Variants in CUX1 observed in about 807,000 individuals in gnomAD.
CUX1 encodes the protein cut like homeobox 1, also known as protein CASP.
CUX1 carries 31 observed loss-of-function variants against 158.8 expected under a neutral mutation model. The observed-to-expected ratio is 0.20, with a 90% CI of 0.15 to 0.26. The LOEUF (loss-of-function observed/expected upper bound fraction) is 0.26. Ranked by LOEUF, CUX1 falls within the 10% of genes least tolerant of loss-of-function variation. The pLI is 1.00. For missense variants in CUX1, 1,589 were observed against 2,014.6 expected (o/e 0.79, Z 4.04); for synonymous variants, 879 against 862.1 (o/e 1.02, Z -0.34).
At chr7:101,864,751 A>G (rs1797778846) in intron 1 of CUX1, among the ~76,000 whole-genome samples, 1 of 151,444 alleles carries the variant, frequency 6.6e-6, no homozygotes, top group Non-Finnish European at 1.5e-5. Context: ...AGGTTTCACC[A>G]TATTGGTCAG....
chr7:102,104,654 G>C (rs1202701734), intron 6 of CUX1, among the ~76,000 whole-genome samples, 195 bp downstream of exon 6: 1 of 152,138 alleles, frequency 6.6e-6, no homozygotes, highest in Non-Finnish European at 1.5e-5. Context: ...CACTTTGGGA[G>C]GCCGAGGTGG....
intron 16 of CUX1, among the ~76,000 whole-genome samples, chr7:102,274,850 G>A (rs781836091): frequency 6.6e-6 from 1 of 152,108 alleles, no homozygotes; most frequent in Non-Finnish European, 1.5e-5. Context: ...GATACTGGGG[G>A]TGTGCCCATG....
chr7:102,053,798 C>T (rs1038813418), intron 3 of CUX1, among the ~76,000 whole-genome samples: 11 of 144,638 alleles, frequency 7.6e-5, no homozygotes, highest in Non-Finnish European at 1.7e-4. Context: ...GGGTTGTCTT[C>T]TCACTTTTTT....
At chr7:102,189,946 T>C in intron 12 of CUX1, 75 bp downstream of exon 12, 1 of 1,528,770 alleles carries the variant, frequency 6.5e-7, no homozygotes, top group Non-Finnish European at 9.0e-7. Context: ...GCCAGGCTGG[T>C]GGCAGGAAGC....
chr7:102,170,799 G>A lies in CUX1; in HGVS notation c.828+249G>A, dbSNP rs533391665. Among the ~76,000 whole-genome samples, 19 of 151,568 alleles carry A rather than the reference G, an allele frequency of 1.3e-4. No individual in the cohort carries two copies. The South Asian group carries it at 3.7e-3, about 30-fold the overall frequency. ...GCATCCACCCAGGGCCAAGGTGGAG[G>A]CTACGCAGGCACAGTCACAGACACA... On this transcript the variant is annotated intron_variant, in intron 10 of 23. Transcript: ENST00000292535.
At chr7:101,860,030 C>T (rs1038921550) in intron 1 of CUX1, among the ~76,000 whole-genome samples, 1 of 139,838 alleles carries the variant, frequency 7.2e-6, no homozygotes, top group Admixed American at 7.4e-5. Flanking sequence ...CTCTTTCTGT[C>T]TCTCTGTCTC....
At chr7:102,162,759 AC>A (rs1554507595) in intron 9 of CUX1, among the ~76,000 whole-genome samples, 1 of 151,912 alleles carries the variant, frequency 6.6e-6, no homozygotes, top group Non-Finnish European at 1.5e-5. Flanking sequence ...CAAACGATCC[AC>A]CCACCTCTGC....
rs184077612 is a variant in CUX1, at chr7:102,029,836, A to G, written c.189+1691A>G. On this transcript the variant is annotated intron_variant, in intron 3 of 23. Transcript: ENST00000292535. Reference sequence around the variant, plus strand: ...AGGCTGTTACCTGACACCTACCCACATTTGATCTTACCTGTTCTGTTACCT... The same window carrying G: ...AGGCTGTTACCTGACACCTACCCACGTTTGATCTTACCTGTTCTGTTACCT... 9.7e-4 allele frequency among the ~76,000 whole-genome samples: 147 copies of G among 152,178 alleles called. No individual in the cohort carries two copies. The Middle Eastern group carries it at 0.02, about 21-fold the overall frequency.
At chr7:102,031,750 ATCGTC>A (rs1820817549) in intron 3 of CUX1, among the ~76,000 whole-genome samples, 1 of 152,118 alleles carries the variant, frequency 6.6e-6, no homozygotes, top group Non-Finnish European at 1.5e-5. Flanking sequence ...TAACATATGC[ATCGTC>A]TCCCTTAGTT....
intron 1 of CUX1, among the ~76,000 whole-genome samples, chr7:101,908,006 C>G (rs1014126690): frequency 1.3e-5 from 2 of 152,078 alleles, no homozygotes; most frequent in Non-Finnish European, 2.9e-5. Context: ...ATTACATTTA[C>G]GTGCTTAAAA....
At chr7:101,842,380 T>C (rs1795264558) in intron 1 of CUX1, among the ~76,000 whole-genome samples, 1 of 152,230 alleles carries the variant, frequency 6.6e-6, no homozygotes, top group East Asian at 1.9e-4. Flanking sequence ...TTTCTTCCCA[T>C]AGTTTTTTTT....
At chr7:102,166,070 G>A (rs1372681113) in intron 9 of CUX1, among the ~76,000 whole-genome samples, 1 of 152,110 alleles carries the variant, frequency 6.6e-6, no homozygotes, top group African/African-American at 2.4e-5. Context: ...AGGATGTGAG[G>A]TGTGCCTGGG....
chr7:101,975,393 T>A (rs1022907715), intron 2 of CUX1, among the ~76,000 whole-genome samples: 1 of 144,488 alleles, frequency 6.9e-6, no homozygotes. Flanking sequence ...AAAAAATGAA[T>A]TTTTTTTTTT....
At chr7:101,952,812 C>T (rs969111559) in intron 2 of CUX1, among the ~76,000 whole-genome samples, 2 of 152,312 alleles carry the variant, frequency 1.3e-5, no homozygotes, top group South Asian at 2.1e-4. Context: ...TGCCTCTGCC[C>T]GTTGCCTTTT....
At chr7:101,817,116 C>G (rs1022541299), upstream of CUX1, 12 of 984,374 alleles carry the variant, frequency 1.2e-5, no homozygotes, top group Non-Finnish European at 1.4e-5. The surrounding 1 kb of genome is among the most constrained non-coding windows in gnomAD (Gnocchi z 4.1). Flanking sequence ...TCCCGGTGTC[C>G]CGGACCGCCG....
At chr7:102,156,137 A>G (rs1554505214) in intron 8 of CUX1, among the ~76,000 whole-genome samples, 29 of 152,296 alleles carry the variant, frequency 1.9e-4, no homozygotes, top group Non-Finnish European at 4.4e-5. Context: ...AAAGGCTGCA[A>G]AAGCCTCAGG....
chr7:102,279,720 C>T (rs1408874667), intron 18 of CUX1, among the ~76,000 whole-genome samples: 2 of 152,160 alleles, frequency 1.3e-5, no homozygotes. Context: ...CCTGCCTGCT[C>T]GCATGACCAC....
chr7:102,271,062 A>G (rs782364378), intron 14 of CUX1, among the ~76,000 whole-genome samples: 29 of 152,156 alleles, frequency 1.9e-4, no homozygotes, highest in Admixed American at 3.9e-4. Flanking sequence ...CAGGCAGTGC[A>G]AGGAATCATC....
Position 101,939,557 on chromosome 7 carries a change from T to TG in CUX1, c.141+23333dup, listed in dbSNP as rs1290106176. The stretch of plus-strand genomic sequence containing the variant: ...TTAAAGAAGGAGGTTTTGGGCCAGG[T>TG]GCAGTGGTTCATGCCTGTAATCCCA... On this transcript the variant is annotated intron_variant, in intron 2 of 23. Coordinates refer to ENST00000292535, the MANE Select transcript of CUX1 (RefSeq NM_181552.4). Among the ~76,000 whole-genome samples, 5 of 152,048 alleles carry TG rather than the reference T, an allele frequency of 3.3e-5. 1 individual carries two copies. The highest frequency in any genetic ancestry group is 2.0e-4 in the Admixed American group (3 of 15,230).
Sources: gnomAD v4.1 joint callset for allele counts (sites outside exome capture counted in the v4.1 genomes callset) on GRCh38, gnomAD v4.1.1 for gene constraint, Gnocchi (gnomAD v3.1) non-coding constraint, MANE v1.5 for transcripts, NCBI Gene and HGNC (gene_info 2026-07-23, HGNC 2026-07-21) for gene names.